Variants in SEMA3D observed in about 807,000 individuals in gnomAD.
The protein encoded by SEMA3D is semaphorin 3D, also known as semaphorin-3D.
A neutral mutation model predicts 100.1 loss-of-function variants in SEMA3D; 84 were observed. The observed-to-expected ratio is 0.84, with a 90% CI of 0.70 to 1.01. The LOEUF (loss-of-function observed/expected upper bound fraction) is 1.01. SEMA3D is among the 50% of genes least tolerant of loss of function. SEMA3D has a pLI of 0.00. For synonymous variants in SEMA3D, 312 were observed against 320.7 expected (o/e 0.97, Z 0.29); for missense variants, 875 against 934.1 (o/e 0.94, Z 0.82).
chr7:85,065,681 A>AT, intron 7 of SEMA3D, 129 bp from the exon 8 acceptor site: 1 of 676,836 alleles, frequency 1.5e-6, no homozygotes, highest in Non-Finnish European at 2.3e-6. Flanking sequence ...TGTTTCATAA[A>AT]TTTCACAGAT....
At chr7:85,148,797 A>ATG (rs1491376116) in intron 2 of SEMA3D, among the ~76,000 whole-genome samples, 2 of 151,810 alleles carry the variant, frequency 1.3e-5, no homozygotes, top group Non-Finnish European at 2.9e-5. Flanking sequence ...CGGTGTGTAC[A>ATG]TGTGTGTGTG....
chr7:85,165,840 G>T (rs1257491109), intron 1 of SEMA3D, among the ~76,000 whole-genome samples: 1 of 151,958 alleles, frequency 6.6e-6, no homozygotes, highest in Admixed American at 6.6e-5. Flanking sequence ...AAGCAATCAC[G>T]CATCTCAAAC....
the SEMA3D span, among the ~76,000 whole-genome samples, chr7:85,200,897 G>A: frequency 1.3e-5 from 2 of 152,200 alleles, no homozygotes; most frequent in African/African-American, 2.4e-5. Context: ...AGGGGCCACA[G>A]TAGAGCTCAG....
chr7:85,248,877 C>T, the SEMA3D span, among the ~76,000 whole-genome samples: 1 of 151,962 alleles, frequency 6.6e-6, no homozygotes, highest in Non-Finnish European at 1.5e-5. Flanking sequence ...AGGAGTAAAA[C>T]TTCTGTGTGA....
the SEMA3D span, among the ~76,000 whole-genome samples, chr7:85,244,142 G>T: frequency 6.6e-6 from 1 of 152,178 alleles, no homozygotes; most frequent in South Asian, 2.1e-4. Flanking sequence ...ACTGGCATCT[G>T]CTTAGCTTCT....
chr7:85,031,372 C>G (rs558950397), intron 12 of SEMA3D, among the ~76,000 whole-genome samples: 2 of 152,042 alleles, frequency 1.3e-5, no homozygotes, highest in South Asian at 4.1e-4. Context: ...AAGGTTCTAA[C>G]AATTTCATAG....
intron 12 of SEMA3D, chr7:85,027,767 G>A: frequency 2.5e-6 from 1 of 406,482 alleles, no homozygotes. Context: ...GAACACAGCA[G>A]CAGCTTTTGG....
chr7:85,180,272 C>T (rs1791364704), intron 1 of SEMA3D, among the ~76,000 whole-genome samples: 1 of 152,128 alleles, frequency 6.6e-6, no homozygotes, highest in South Asian at 2.1e-4. Flanking sequence ...TTCCCTCTTT[C>T]CCCTGCACTT....
At chr7:85,161,817 C>T (rs1790752337) in intron 1 of SEMA3D, among the ~76,000 whole-genome samples, 1 of 152,068 alleles carries the variant, frequency 6.6e-6, no homozygotes, top group Non-Finnish European at 1.5e-5. Flanking sequence ...GGTATGTCAT[C>T]CACTATCTTA....
upstream of SEMA3D, among the ~76,000 whole-genome samples, chr7:85,189,088 C>T (rs552381548): frequency 2.0e-5 from 3 of 152,166 alleles, no homozygotes; most frequent in South Asian, 2.1e-4. Flanking sequence ...ACATCTGGAA[C>T]GTGAATTCTG....
chr7:85,242,038 TA>T, the SEMA3D span, among the ~76,000 whole-genome samples: 28 of 146,448 alleles, frequency 1.9e-4, no homozygotes, highest in Middle Eastern at 3.6e-3. Context: ...AGAGCTACCA[TA>T]AAAAAAAAAG....
intron 18 of SEMA3D, among the ~76,000 whole-genome samples, chr7:85,003,809 T>C (rs1789720517): frequency 6.6e-6 from 1 of 152,062 alleles, no homozygotes; most frequent in Admixed American, 6.6e-5. Context: ...ATGCAATACA[T>C]TTTTTCATAT....
At chr7:85,081,634 T>C in intron 4 of SEMA3D, 55 bp from the exon 5 acceptor site, 18 of 1,126,802 alleles carry the variant, frequency 1.6e-5, no homozygotes, top group Non-Finnish European at 2.4e-5. Context: ...ACCCTAACAC[T>C]CTGCAATTCT....
At chr7:85,227,553 T>C in the SEMA3D span, among the ~76,000 whole-genome samples, 2 of 152,168 alleles carry the variant, frequency 1.3e-5, no homozygotes, top group Non-Finnish European at 2.9e-5. Context: ...AAAAAATAAA[T>C]TTCAGTTGTT....
intron 8 of SEMA3D, among the ~76,000 whole-genome samples, 176 bp downstream of exon 8, chr7:85,065,248 A>T (rs866932471): frequency 6.6e-6 from 1 of 152,214 alleles, no homozygotes; most frequent in South Asian, 2.1e-4. Flanking sequence ...ATTATGTATT[A>T]CTATATAAAC....
intron 1 of SEMA3D, among the ~76,000 whole-genome samples, chr7:85,168,810 G>A (rs1384014784): frequency 3.8e-5 from 5 of 133,038 alleles, no homozygotes; most frequent in Non-Finnish European, 8.1e-5. Flanking sequence ...AAGAAAGAAA[G>A]AAAGAAAGAT....
intron 2 of SEMA3D, among the ~76,000 whole-genome samples, chr7:85,139,209 G>A (rs1342388117): frequency 1.3e-5 from 2 of 151,956 alleles, no homozygotes; most frequent in African/African-American, 2.4e-5. Flanking sequence ...AGGACAATGA[G>A]AAATATGTAA....
At chr7:85,122,233 A>C (rs78115069) in intron 2 of SEMA3D, among the ~76,000 whole-genome samples, 1 of 30,690 alleles carries the variant, frequency 3.3e-5, no homozygotes, top group Non-Finnish European at 6.2e-5. Context: ...CTTAAAGTAC[A>C]AAAAAAAAAA....
At chr7:85,084,680 G>A (rs1788166079) in intron 4 of SEMA3D, among the ~76,000 whole-genome samples, 1 of 151,790 alleles carries the variant, frequency 6.6e-6, no homozygotes, top group African/African-American at 2.4e-5. Context: ...GTGTCATGAG[G>A]CTTTCTTGTA....
Sources: gnomAD v4.1 joint callset for allele counts (sites outside exome capture counted in the v4.1 genomes callset) on GRCh38, gnomAD v4.1.1 for gene constraint, MANE v1.5 for transcripts, NCBI Gene and HGNC (gene_info 2026-07-23, HGNC 2026-07-21) for gene names.